The following CRTAP variants were observed in gnomAD, a reference collection of about 807,000 sequenced individuals.
CRTAP encodes cartilage associated protein, also known as cartilage-associated protein.
A neutral mutation model predicts 42.7 loss-of-function variants in CRTAP; 33 were observed. That is an observed-to-expected ratio of 0.77 (90% CI 0.59 to 1.03). The LOEUF is 1.03. Ranked by LOEUF, CRTAP falls within the 50% of genes least tolerant of loss-of-function variation. The pLI is 0.00. For synonymous variants in CRTAP, 243 were observed against 217.7 expected (o/e 1.12, Z -1.02); for missense variants, 613 against 533.9 (o/e 1.15, Z -1.46).
chr3:33,114,870 A>G (rs980529105), intron 1 of CRTAP, among the ~76,000 whole-genome samples: 1 of 152,260 alleles, frequency 6.6e-6, no homozygotes, highest in African/African-American at 2.4e-5. Flanking sequence ...ATATACCATT[A>G]AAGTCGCCTT....
At chr3:33,117,107 C>CAA (rs11384013) in intron 1 of CRTAP, among the ~76,000 whole-genome samples, 1 of 151,426 alleles carries the variant, frequency 6.6e-6, no homozygotes, top group African/African-American at 2.4e-5. Flanking sequence ...ACTCTTGTGT[C>CAA]AAAAAAAAGT....
At chr3:33,129,857 C>A in intron 3 of CRTAP, 82 bp from the exon 4 acceptor site, 1 of 1,447,726 alleles carries the variant, frequency 6.9e-7, no homozygotes, top group Non-Finnish European at 9.7e-7. Context: ...TTTCTTTTAA[C>A]TTTTTCATTT....
At chr3:33,125,528 C>G (rs1379932240) in intron 3 of CRTAP, among the ~76,000 whole-genome samples, 1 of 28,776 alleles carries the variant, frequency 3.5e-5, no homozygotes, top group African/African-American at 1.2e-4. Context: ...CTTAAGAAAA[C>G]TTCTTGTTAT....
chr3:33,115,002 G>A (rs1037710059), intron 1 of CRTAP, among the ~76,000 whole-genome samples: 66 of 152,132 alleles, frequency 4.3e-4, no homozygotes, highest in African/African-American at 1.6e-3. Flanking sequence ...GGAGTGCAGA[G>A]GCGCTATCAT....
chr3:33,147,746 A>G lies in CRTAP; in HGVS notation c.*5298A>G, dbSNP rs998651072. 1 of 152,236 alleles carries G rather than the reference A, an allele frequency of 6.6e-6. No homozygotes were observed. The highest frequency in any genetic ancestry group is 2.4e-5 in the African/African-American group (1 of 41,450). 9.4% of individuals were successfully genotyped at this position (152,236 alleles called of 1,614,324 possible). A position where few individuals can be genotyped will look rare whatever the true frequency, so the allele number is the denominator to read the frequency against. On this transcript the variant is annotated 3_prime_UTR_variant, in exon 7 of 7. Transcript: ENST00000320954. ...CAAAAGGTTTTTGTTTTTCTTTTTAAATCACATTAAATGTTTTACATTGCT... is the reference window on the plus strand; with the variant it reads ...CAAAAGGTTTTTGTTTTTCTTTTTAGATCACATTAAATGTTTTACATTGCT...
At chr3:33,116,146 C>G (rs1701340409) in intron 1 of CRTAP, among the ~76,000 whole-genome samples, 1 of 152,122 alleles carries the variant, frequency 6.6e-6, no homozygotes, top group South Asian at 2.1e-4. Context: ...ACTAGAACCT[C>G]TGATTTCTTT....
chr3:33,141,121 T>G (rs2030559134), intron 6 of CRTAP, among the ~76,000 whole-genome samples: 1 of 152,084 alleles, frequency 6.6e-6, no homozygotes, highest in Non-Finnish European at 1.5e-5. Context: ...GGGAAGGAGA[T>G]CTGAGTGAGG....
At position 33,143,928 on chromosome 3, in the gene CRTAP, T is replaced by C. The variant is rs200282994; in HGVS notation, c.*1480T>C. 6.6e-6 allele frequency: 1 copy of C among 152,320 alleles called. No individual in the cohort carries two copies. The highest frequency in any genetic ancestry group is 6.6e-5 in the Admixed American group (1 of 15,244). The allele number at this position is 152,320 out of a possible 1,614,324, so 9.4% of individuals were successfully genotyped here. A position where few individuals can be genotyped will look rare whatever the true frequency, so the allele number is the denominator to read the frequency against. ...AGAGGCGGCTGGGGAGGACAGGTGGTGGAGGGCCTTGGCTTCTGCTAAGTG... is the reference window on the plus strand; with the variant it reads ...AGAGGCGGCTGGGGAGGACAGGTGGCGGAGGGCCTTGGCTTCTGCTAAGTG... On this transcript the variant is annotated 3_prime_UTR_variant, in exon 7 of 7. Transcript: ENST00000320954.
intron 6 of CRTAP, among the ~76,000 whole-genome samples, chr3:33,141,110 T>A (rs1433762095): frequency 6.6e-6 from 1 of 152,146 alleles, no homozygotes; most frequent in East Asian, 1.9e-4. Context: ...ATGAGTGCAC[T>A]GGGAAGGAGA....
intron 3 of CRTAP, among the ~76,000 whole-genome samples, chr3:33,129,535 C>CTTTTTTTTT (rs753545426): frequency 6.0e-5 from 7 of 115,732 alleles, no homozygotes; most frequent in Admixed American, 9.8e-5. Flanking sequence ...TTTTCTTTTT[C>CTTTTTTTTT]TTTTTTTTTT....
chr3:33,130,941 G>T (rs2030242178), intron 4 of CRTAP, among the ~76,000 whole-genome samples: 1 of 152,170 alleles, frequency 6.6e-6, no homozygotes, highest in Non-Finnish European at 1.5e-5. Context: ...GGAAGTTCAG[G>T]GTTAGACTTC....
At chr3:33,116,640 G>C (rs1263366720) in intron 1 of CRTAP, among the ~76,000 whole-genome samples, 2 of 152,120 alleles carry the variant, frequency 1.3e-5, no homozygotes, top group Admixed American at 1.3e-4. Context: ...ATTACAGTCT[G>C]GGATTTGAAC....
intron 1 of CRTAP, among the ~76,000 whole-genome samples, chr3:33,116,333 A>C (rs1448810958): frequency 1.3e-5 from 2 of 152,326 alleles, no homozygotes; most frequent in South Asian, 4.1e-4. Flanking sequence ...GTTGAAAGTC[A>C]GTAAAATACT....
intron 3 of CRTAP, among the ~76,000 whole-genome samples, chr3:33,128,620 G>T (rs2030147222): frequency 6.6e-6 from 1 of 152,058 alleles, no homozygotes; most frequent in East Asian, 1.9e-4. Flanking sequence ...CTTTTTTGTT[G>T]GTGATGGTAG....
At position 33,114,196 on chromosome 3, in the gene CRTAP, A is replaced by G. The variant is rs1701311035; in HGVS notation, c.119A>G (p.Glu40Gly). ...RYSFRSFPRD[E>G]LMPLESAYRH... ...AGCTTCCGCAGCTTCCCACGGGACG[A>G]GCTGATGCCGCTCGAGTCGGCCTAC... The change falls in exon 1 of 7, where the codon GAG (glutamate) becomes GGG (glycine). Residue 40 changes from glutamate (E) to glycine (G), a missense_variant. Physicochemically the swap from Glu to Gly is moderately conservative, Grantham distance 98. Transcript: ENST00000320954. 6.3e-7 allele frequency: 1 copy of G among 1,594,454 alleles called. No individual in the cohort carries two copies. Among genetic ancestry groups the G allele is most frequent in the Non-Finnish European group, 8.5e-7 (1 of 1,176,662 alleles).
At position 33,114,350 on chromosome 3, in the gene CRTAP, G is replaced by C; in HGVS notation, c.273G>C (p.Ala91=). 1.3e-6 allele frequency: 2 copies of C among 1,524,648 alleles called. No individual in the cohort carries two copies. Among genetic ancestry groups the C allele is most frequent in the Non-Finnish European group, 1.8e-6 (2 of 1,142,590 alleles). The allele number at this position is 1,524,648 out of a possible 1,614,324, so 94.4% of individuals were successfully genotyped here. A position where few individuals can be genotyped will look rare whatever the true frequency, so the allele number is the denominator to read the frequency against. The change falls in exon 1 of 7, where the codon GCG becomes GCC. Residue 91 remains alanine, a synonymous_variant. Transcript: ENST00000320954. ...TCTGCCACCGCAACTGCAGCGCCGC[G>C]CCGCAGCCCGAGCCCGCCGCCGGCC... ...EAFCHRNCSA[A]PQPEPAAGLA...
At chr3:33,122,898 G>T (rs13082378) in intron 2 of CRTAP, among the ~76,000 whole-genome samples, 97,176 of 151,632 alleles carry the variant, frequency 0.64, 31,900 homozygotes, top group Non-Finnish European at 0.72. Flanking sequence ...AGCAGGTTTT[G>T]TGTGTATCCA....
At chr3:33,121,154 A>G (rs2125598990) in intron 2 of CRTAP, among the ~76,000 whole-genome samples, 1 of 152,270 alleles carries the variant, frequency 6.6e-6, no homozygotes, top group Middle Eastern at 3.4e-3. Flanking sequence ...CATGCCTGTA[A>G]TCCCAGCACT....
In CRTAP at chr3:33,146,613, C is replaced by G. The variant is rs995789257; in HGVS notation, c.*4165C>G. 2 of 152,212 alleles carry G rather than the reference C, an allele frequency of 1.3e-5. No individual in the cohort carries two copies. The highest frequency in any genetic ancestry group is 1.3e-4 in the Admixed American group (2 of 15,286). The allele number at this position is 152,212 out of a possible 1,614,324, so 9.4% of individuals were successfully genotyped here. A position where few individuals can be genotyped will look rare whatever the true frequency, so the allele number is the denominator to read the frequency against. ...TACAACTAACCTGTTGTGCTCACCTCTGGAATTCAGAAAGAGAGCCACTGC... is the reference window on the plus strand; with the variant it reads ...TACAACTAACCTGTTGTGCTCACCTGTGGAATTCAGAAAGAGAGCCACTGC... On this transcript the variant is annotated 3_prime_UTR_variant, in exon 7 of 7. Transcript: ENST00000320954.
Sources: gnomAD v4.1 joint callset for allele counts (sites outside exome capture counted in the v4.1 genomes callset) on GRCh38, gnomAD v4.1.1 for gene constraint, MANE v1.5 for transcripts, NCBI Gene and HGNC (gene_info 2026-07-23, HGNC 2026-07-21) for gene names.